The following INPP4B variants were observed in gnomAD, a reference collection of about 807,000 sequenced individuals.
INPP4B encodes the protein inositol polyphosphate-4-phosphatase type II B.
Under a neutral mutation model 122.5 loss-of-function variants are expected in INPP4B, and 55 were observed. The ratio of observed to expected loss-of-function variants is 0.45; its 90% CI spans 0.36 to 0.56. The LOEUF (loss-of-function observed/expected upper bound fraction) is 0.56. Ranked by LOEUF, INPP4B falls within the 20% of genes least tolerant of loss-of-function variation. The pLI is 0.00. For synonymous variants in INPP4B, 403 were observed against 388.7 expected, an observed-to-expected ratio of 1.04 and a Z score of -0.43; for missense variants, 1,000 against 1,097.7, an observed-to-expected ratio of 0.91 and a Z score of 1.26.
chr4:142,708,750 C>T (rs978715489), intron 2 of INPP4B, among the ~76,000 whole-genome samples: 1 of 152,178 alleles, frequency 6.6e-6, no homozygotes, highest in Non-Finnish European at 1.5e-5. Flanking sequence ...TGGAGAATCT[C>T]TACTAGGGCA....
intron 2 of INPP4B, among the ~76,000 whole-genome samples, chr4:142,629,113 G>T (rs1407180109): frequency 6.6e-6 from 1 of 152,004 alleles, no homozygotes; most frequent in Non-Finnish European, 1.5e-5. Flanking sequence ...AAAGTAATAG[G>T]TAAAGAGTGT....
intron 2 of INPP4B, among the ~76,000 whole-genome samples, chr4:142,719,479 A>G (rs1764226279): frequency 6.6e-6 from 1 of 151,862 alleles, no homozygotes; most frequent in Admixed American, 6.6e-5. Flanking sequence ...TGCCCGTCAC[A>G]TGCCCAGCTA....
intron 2 of INPP4B, among the ~76,000 whole-genome samples, chr4:142,679,482 A>C (rs2150675046): frequency 6.6e-6 from 1 of 151,942 alleles, no homozygotes; most frequent in South Asian, 2.1e-4. Flanking sequence ...GAGTTTTTTA[A>C]AATTATGTAT....
At chr4:142,766,383 GT>G (rs963992816) in intron 1 of INPP4B, among the ~76,000 whole-genome samples, 72 of 147,660 alleles carry the variant, frequency 4.9e-4, no homozygotes, top group African/African-American at 8.6e-4. Context: ...GTGTTTTTTT[GT>G]TTTTTTTTTC....
At chr4:142,576,566 A>T (rs1733893432) in intron 2 of INPP4B, among the ~76,000 whole-genome samples, 1 of 152,024 alleles carries the variant, frequency 6.6e-6, no homozygotes, top group Non-Finnish European at 1.5e-5. Flanking sequence ...CTTAAAGTAG[A>T]AATACCAAAG....
chr4:142,493,595 C>T (rs558392235), intron 2 of INPP4B, among the ~76,000 whole-genome samples: 5 of 152,306 alleles, frequency 3.3e-5, no homozygotes, highest in Non-Finnish European at 5.9e-5. Flanking sequence ...GGATTTCAGA[C>T]TTGCATGAAG....
chr4:142,448,057 G>A (rs912949261), intron 3 of INPP4B, among the ~76,000 whole-genome samples: 1 of 152,070 alleles, frequency 6.6e-6, no homozygotes, highest in African/African-American at 2.4e-5. Context: ...AGCAAAACAG[G>A]ATAATACAAT....
chr4:142,830,750 A>G (rs1323408010), intron 1 of INPP4B, among the ~76,000 whole-genome samples: 3 of 151,116 alleles, frequency 2.0e-5, no homozygotes, highest in Non-Finnish European at 4.4e-5. Context: ...GCAGTGACTC[A>G]TGCTTGTAAC....
At chr4:142,812,705 A>G (rs1301500158) in intron 1 of INPP4B, among the ~76,000 whole-genome samples, 1 of 152,188 alleles carries the variant, frequency 6.6e-6, no homozygotes, top group Non-Finnish European at 1.5e-5. Context: ...ACAAGGTAAA[A>G]AAAAGACATT....
At chr4:142,036,141 T>G (rs1743794430) in intron 25 of INPP4B, among the ~76,000 whole-genome samples, 1 of 152,138 alleles carries the variant, frequency 6.6e-6, no homozygotes, top group Admixed American at 6.6e-5. Context: ...CACTTATAAT[T>G]GAAAATGTGG....
chr4:142,236,441 T>G (rs1158328844), intron 12 of INPP4B, among the ~76,000 whole-genome samples: 1 of 152,232 alleles, frequency 6.6e-6, no homozygotes, highest in Non-Finnish European at 1.5e-5. Context: ...ACTTGGCTTC[T>G]TAACTTCCTC....
intron 2 of INPP4B, among the ~76,000 whole-genome samples, chr4:142,535,264 T>G (rs2150002354): frequency 6.6e-6 from 1 of 152,192 alleles, no homozygotes; most frequent in East Asian, 1.9e-4. Context: ...AGAGTTTAGT[T>G]TATCCTCCTA....
At chr4:142,687,008 T>C (rs1232195278) in intron 2 of INPP4B, among the ~76,000 whole-genome samples, 1 of 152,004 alleles carries the variant, frequency 6.6e-6, no homozygotes, top group Non-Finnish European at 1.5e-5. Context: ...GAAACAGTGA[T>C]AATTTCAGGA....
chr4:142,474,166 C>T (rs1819422622), intron 2 of INPP4B: 1 of 152,234 alleles, frequency 6.6e-6, no homozygotes. Context: ...TGGGAAACAT[C>T]TGTGTAGCTG....
At chr4:142,311,757 T>C (rs1372540366) in intron 8 of INPP4B, among the ~76,000 whole-genome samples, 5 of 152,180 alleles carry the variant, frequency 3.3e-5, no homozygotes, top group Admixed American at 6.5e-5. Flanking sequence ...AGTGACAGTA[T>C]ACAAAATGAA....
At chr4:142,115,299 A>G (rs1792544004) in intron 21 of INPP4B, among the ~76,000 whole-genome samples, 1 of 152,178 alleles carries the variant, frequency 6.6e-6, no homozygotes, top group Non-Finnish European at 1.5e-5. Flanking sequence ...CAAATTCAAG[A>G]AATACAGAGA....
chr4:142,411,223 G>A (rs911339290), intron 5 of INPP4B, among the ~76,000 whole-genome samples: 1 of 152,186 alleles, frequency 6.6e-6, no homozygotes, highest in African/African-American at 2.4e-5. Flanking sequence ...CACCCTTTAA[G>A]CAGGGGTTTA....
chr4:142,692,131 A>AC (rs985442649), intron 2 of INPP4B, among the ~76,000 whole-genome samples: 64 of 152,162 alleles, frequency 4.2e-4, no homozygotes, highest in African/African-American at 1.4e-3. Flanking sequence ...AGCCAAGGGG[A>AC]CCCTTCCACT....
intron 25 of INPP4B, among the ~76,000 whole-genome samples, chr4:142,064,320 G>GA (rs1298766840): frequency 1.3e-5 from 2 of 152,018 alleles, no homozygotes; most frequent in Non-Finnish European, 2.9e-5. Flanking sequence ...AACCACAGAG[G>GA]AAAAAAAGAT....
Sources: allele counts gnomAD v4.1 joint callset (sites outside exome capture counted in the v4.1 genomes callset), GRCh38; gene constraint gnomAD v4.1.1; transcripts MANE v1.5; gene names NCBI Gene and HGNC (gene_info 2026-07-23, HGNC 2026-07-21).